The following SOX6 variants were observed in gnomAD, a reference collection of about 807,000 sequenced individuals.
SOX6 encodes SRY-box transcription factor 6, also known as transcription factor SOX-6.
SOX6 carries 11 observed loss-of-function variants against 97.8 expected under a neutral mutation model. The ratio of observed to expected loss-of-function variants is 0.11; its 90% CI spans 0.07 to 0.19. The LOEUF (loss-of-function observed/expected upper bound fraction) is 0.19, where lower values mean the gene tolerates loss of function less well. SOX6 is among the 10% of genes least tolerant of loss of function. SOX6 has a pLI of 1.00. For synonymous variants in SOX6, 360 were observed against 371.4 expected (o/e 0.97, Z 0.35); for missense variants, 810 against 1,039.5 (o/e 0.78, Z 3.04).
At chr11:16,153,846 TA>T (rs200957930) in intron 6 of SOX6, among the ~76,000 whole-genome samples, 10 of 149,452 alleles carry the variant, frequency 6.7e-5, no homozygotes, top group Non-Finnish European at 1.0e-4. Flanking sequence ...AAGTCAAAAA[TA>T]AAAAAAAAAT....
intron 4 of SOX6, among the ~76,000 whole-genome samples, chr11:16,198,405 T>A (rs1851849671): frequency 1.3e-5 from 2 of 152,072 alleles, no homozygotes; most frequent in South Asian, 4.1e-4. Flanking sequence ...GATTATAAAT[T>A]GAGTTTAAGA....
Position 16,300,017 on chromosome 11 carries a change from T to C in SOX6, c.445+18429A>G, listed in dbSNP as rs1316566693. 1.3e-5 allele frequency among the ~76,000 whole-genome samples: 2 copies of C among 152,206 alleles called. No homozygotes were observed. Among genetic ancestry groups the C allele is most frequent in the Non-Finnish European group, 2.9e-5 (2 of 68,034 alleles). On this transcript the variant is annotated intron_variant, in intron 3 of 15. Coordinates refer to ENST00000683767, the MANE Select transcript of SOX6 (RefSeq NM_001367873.1). The surrounding 1 kb of genome is among the most constrained non-coding windows in gnomAD (Gnocchi z 4.1). ...CTGAGGAATAAGCTTAATAATTTTATGTTGTTTACACTGGAGGCAGTTTTC... is the reference window on the plus strand; with the variant it reads ...CTGAGGAATAAGCTTAATAATTTTACGTTGTTTACACTGGAGGCAGTTTTC...
intron 12 of SOX6, among the ~76,000 whole-genome samples, chr11:16,037,854 C>T (rs1242209287): frequency 6.6e-6 from 1 of 152,148 alleles, no homozygotes; most frequent in African/African-American, 2.4e-5. Context: ...CAATTATCTA[C>T]AAGGATAAAA....
At chr11:16,398,089 A>C (rs1858413929) in intron 1 of SOX6, among the ~76,000 whole-genome samples, 1 of 151,522 alleles carries the variant, frequency 6.6e-6, no homozygotes, top group South Asian at 2.1e-4. Context: ...CATCAGAATA[A>C]TCTGGGATGC....
intron 6 of SOX6, among the ~76,000 whole-genome samples, chr11:16,143,829 C>T (rs532857416): frequency 4.0e-4 from 61 of 152,316 alleles, no homozygotes; most frequent in Admixed American, 9.8e-4. Context: ...GCACCCAATA[C>T]AGGAGCACCC....
intron 1 of SOX6, among the ~76,000 whole-genome samples, chr11:16,468,385 T>C (rs1860081107): frequency 6.6e-6 from 1 of 152,198 alleles, no homozygotes; most frequent in Admixed American, 6.5e-5. Context: ...TATTTTGCTA[T>C]AATGTGTAAG....
chr11:16,683,888 AG>A (rs1447581892), intron 3 of SOX6, among the ~76,000 whole-genome samples: 3 of 152,224 alleles, frequency 2.0e-5, no homozygotes, highest in Non-Finnish European at 4.4e-5. Context: ...CAAATTTACA[AG>A]AAAAAAACAA....
chr11:16,336,303 C>T (rs1221063269), intron 2 of SOX6, among the ~76,000 whole-genome samples: 2 of 152,132 alleles, frequency 1.3e-5, no homozygotes, highest in Non-Finnish European at 2.9e-5. Flanking sequence ...CTCACCTCGG[C>T]CCATTCTCTG....
chr11:16,121,099 T>C (rs112713083), intron 6 of SOX6, among the ~76,000 whole-genome samples: 1 of 152,122 alleles, frequency 6.6e-6, no homozygotes, highest in Non-Finnish European at 1.5e-5. Context: ...TGTACTCACT[T>C]TATTTGCATT....
rs75011356 is a variant in SOX6, at chr11:16,184,471, G to A, written c.709-517C>T. Reference sequence around the variant, plus strand: ...CACAGCAAAAAGTAAAAAATCTTTAGCTTTTTTTGTTGATGCTGTATGTGA... The same window carrying A: ...CACAGCAAAAAGTAAAAAATCTTTAACTTTTTTTGTTGATGCTGTATGTGA... On this transcript the variant is annotated intron_variant, in intron 5 of 15. Transcript: ENST00000683767. 3.2e-4 allele frequency among the ~76,000 whole-genome samples: 49 copies of A among 152,154 alleles called. 1 individual carries two copies. The East Asian group carries it at 9.5e-3, about 29-fold the overall frequency.
chr11:16,232,709 C>T (rs1249294305), intron 4 of SOX6, among the ~76,000 whole-genome samples: 2 of 152,040 alleles, frequency 1.3e-5, no homozygotes, highest in East Asian at 1.9e-4. Context: ...ATCTTTCATG[C>T]TGGAAAAAGC....
intron 7 of SOX6, among the ~76,000 whole-genome samples, chr11:16,106,326 G>A (rs767190515): frequency 6.7e-5 from 10 of 149,964 alleles, no homozygotes; most frequent in Non-Finnish European, 1.3e-4. Context: ...AAACAGGATG[G>A]TACTGGCATA....
chr11:16,183,162 T>C (rs1237805437), intron 6 of SOX6, among the ~76,000 whole-genome samples: 4 of 151,912 alleles, frequency 2.6e-5, no homozygotes, highest in African/African-American at 4.8e-5. Context: ...AGGGAAACCA[T>C]TTTCCTTGCC....
chr11:16,342,124 T>C (rs943733134), intron 1 of SOX6, among the ~76,000 whole-genome samples: 1 of 151,962 alleles, frequency 6.6e-6, no homozygotes, highest in Non-Finnish European at 1.5e-5. Flanking sequence ...CAAATAAACA[T>C]TGACTACACG....
chr11:16,499,072 A>G (rs921131966), intron 4 of SOX6, among the ~76,000 whole-genome samples: 3 of 152,256 alleles, frequency 2.0e-5, no homozygotes, highest in African/African-American at 7.2e-5. Context: ...AGCACTCCGC[A>G]GCAAATGTAA....
At chr11:16,148,720 A>C (rs1436196358) in intron 6 of SOX6, among the ~76,000 whole-genome samples, 1 of 152,096 alleles carries the variant, frequency 6.6e-6, no homozygotes, top group Non-Finnish European at 1.5e-5. Context: ...CTCTCTCCTT[A>C]CTTTTTTCCA....
At chr11:16,003,429 T>A (rs777520568) in intron 13 of SOX6, among the ~76,000 whole-genome samples, 1 of 152,100 alleles carries the variant, frequency 6.6e-6, no homozygotes, top group Non-Finnish European at 1.5e-5. Flanking sequence ...CTCTGACAGG[T>A]GGCACCCTAT....
chr11:16,025,238 T>C (rs998682834), intron 12 of SOX6, among the ~76,000 whole-genome samples: 5 of 152,204 alleles, frequency 3.3e-5, no homozygotes, highest in Admixed American at 1.3e-4. Flanking sequence ...CTCCTACTTA[T>C]ATGTGGTTTC....
chr11:16,119,375 TTAA>T (rs1849434041), intron 6 of SOX6, among the ~76,000 whole-genome samples: 1 of 152,180 alleles, frequency 6.6e-6, no homozygotes, highest in South Asian at 2.1e-4. Flanking sequence ...TTCCAAAATT[TTAA>T]TACTCTGCTT....
Sources: allele counts gnomAD v4.1 joint callset (sites outside exome capture counted in the v4.1 genomes callset), GRCh38; gene constraint gnomAD v4.1.1; non-coding constraint Gnocchi (gnomAD v3.1); transcripts MANE v1.5; gene names NCBI Gene and HGNC (gene_info 2026-07-23, HGNC 2026-07-21).